The following UNC5C variants were observed in gnomAD, a reference collection of about 807,000 sequenced individuals.
UNC5C encodes netrin receptor UNC5C.
In UNC5C, 47 loss-of-function variants were observed where a neutral mutation model predicts 99.8. The ratio of observed to expected loss-of-function variants is 0.47; its 90% CI spans 0.37 to 0.60. UNC5C has a LOEUF of 0.60. Ranked by LOEUF, UNC5C falls within the 20% of genes least tolerant of loss-of-function variation. The pLI is 0.00. For missense variants in UNC5C, 1,062 were observed against 1,165.9 expected (o/e 0.91, Z 1.30); for synonymous variants, 487 against 452.2 (o/e 1.08, Z -0.98).
intron 7 of UNC5C, among the ~76,000 whole-genome samples, chr4:95,237,851 G>A (rs1162526097): frequency 6.6e-6 from 1 of 152,094 alleles, no homozygotes. Context: ...AGACCATCCT[G>A]GCCAACATGG....
chr4:95,340,198 A>T (rs2626050), intron 1 of UNC5C, among the ~76,000 whole-genome samples: 118,186 of 152,006 alleles, frequency 0.78, 46,593 homozygotes, highest in East Asian at 1. Flanking sequence ...TTTATTGCTA[A>T]ATATCAAGCC....
intron 10 of UNC5C, among the ~76,000 whole-genome samples, chr4:95,210,486 AAGAAAATAGC>A (rs1347769610): frequency 1.3e-5 from 2 of 152,218 alleles, no homozygotes; most frequent in African/African-American, 4.8e-5. Context: ...AATCACATAG[AAGAAAATAGC>A]AGAAAATAAA....
At chr4:95,390,009 A>C (rs1450165282) in intron 1 of UNC5C, among the ~76,000 whole-genome samples, 1 of 152,120 alleles carries the variant, frequency 6.6e-6, no homozygotes, top group Admixed American at 6.6e-5. Flanking sequence ...AAGTTCATTA[A>C]TTGTCTTGAA....
intron 14 of UNC5C, among the ~76,000 whole-genome samples, chr4:95,181,647 C>T (rs997918862): frequency 5.3e-5 from 8 of 151,972 alleles, no homozygotes; most frequent in Non-Finnish European, 1.2e-4. Flanking sequence ...GTTGCCATGG[C>T]ACCCTGACAC....
intron 10 of UNC5C, among the ~76,000 whole-genome samples, chr4:95,208,531 T>G (rs1049068265): frequency 6.6e-5 from 10 of 152,230 alleles, no homozygotes; most frequent in Non-Finnish European, 7.3e-5. Flanking sequence ...CTCCAAACAT[T>G]GGCTATCTCT....
chr4:95,495,852 A>C (rs1721616024), intron 1 of UNC5C, among the ~76,000 whole-genome samples: 1 of 151,762 alleles, frequency 6.6e-6, no homozygotes, highest in South Asian at 2.1e-4. Context: ...GGAGAAGAAA[A>C]TTCAAAGATT....
At chr4:95,480,147 C>G (rs1721090488) in intron 1 of UNC5C, among the ~76,000 whole-genome samples, 2 of 151,442 alleles carry the variant, frequency 1.3e-5, no homozygotes, top group African/African-American at 2.4e-5. Flanking sequence ...CTATAACTGT[C>G]TGAGCCAATT....
intron 7 of UNC5C, among the ~76,000 whole-genome samples, chr4:95,231,600 C>T (rs1216590488): frequency 6.6e-6 from 1 of 152,138 alleles, no homozygotes; most frequent in African/African-American, 2.4e-5. Flanking sequence ...TTACACTAAG[C>T]CAAAACATGG....
At position 95,327,709 on chromosome 4, in the gene UNC5C, G is replaced by A. The variant is rs971020652; in HGVS notation, c.346+7701C>T. ...GGGGCAGTATAACTTCTGACTGCAT[G>A]ACTTTGGAGAGGAGCCTGGCCGCAG... is the stretch of plus-strand genomic sequence containing the variant. On this transcript the variant is annotated intron_variant, in intron 2 of 15. Transcript: ENST00000453304. 5.3e-5 allele frequency among the ~76,000 whole-genome samples: 8 copies of A among 152,226 alleles called. 1 individual carries two copies. Among genetic ancestry groups the A allele is most frequent in the Admixed American group, 5.2e-4 (8 of 15,278 alleles).
At chr4:95,422,540 T>G (rs2149456754) in intron 1 of UNC5C, among the ~76,000 whole-genome samples, 2 of 146,838 alleles carry the variant, frequency 1.4e-5, no homozygotes, top group South Asian at 4.5e-4. Flanking sequence ...TGATTAGATT[T>G]GCAACCGGGG....
At position 95,480,586 on chromosome 4, in the gene UNC5C, C is replaced by T. The variant is rs368221819; in HGVS notation, c.124+68148G>A. ...ATATTAAGATGATCACAATGGAATT[C>T]GCTGCAACAGAAGCAGCTCTCACAA... On this transcript the variant is annotated intron_variant, in intron 1 of 15. Transcript: ENST00000453304. Among the ~76,000 whole-genome samples, 48 of 152,002 alleles carry T rather than the reference C, an allele frequency of 3.2e-4. 1 individual carries two copies. The South Asian group carries it at 6.0e-3, about 19-fold the overall frequency.
intron 1 of UNC5C, among the ~76,000 whole-genome samples, chr4:95,357,499 C>G (rs1210248359): frequency 6.6e-6 from 1 of 151,620 alleles, no homozygotes; most frequent in Non-Finnish European, 1.5e-5. Context: ...AACTAAAATA[C>G]TGTCCAGGCC....
At chr4:95,425,457 G>A (rs1287899555) in intron 1 of UNC5C, among the ~76,000 whole-genome samples, 2 of 152,212 alleles carry the variant, frequency 1.3e-5, no homozygotes, top group African/African-American at 2.4e-5. Flanking sequence ...GAGTAACTGG[G>A]ACTACAGGCG....
intron 1 of UNC5C, among the ~76,000 whole-genome samples, chr4:95,440,689 AAGC>A (rs1457599562): frequency 6.6e-6 from 1 of 152,146 alleles, no homozygotes; most frequent in Non-Finnish European, 1.5e-5. Flanking sequence ...CCGAAAAAAA[AAGC>A]AGTAAGTCCC....
intron 3 of UNC5C, among the ~76,000 whole-genome samples, chr4:95,296,661 T>C (rs1741679666): frequency 6.6e-6 from 1 of 152,198 alleles, no homozygotes; most frequent in South Asian, 2.1e-4. Flanking sequence ...GTGTGGAATG[T>C]AGACTGGCAA....
At chr4:95,251,228 C>G (rs996576713) in intron 4 of UNC5C, among the ~76,000 whole-genome samples, 1 of 152,190 alleles carries the variant, frequency 6.6e-6, no homozygotes, top group African/African-American at 2.4e-5. Flanking sequence ...TTAAATATCC[C>G]TGAAAATACC....
intron 13 of UNC5C, among the ~76,000 whole-genome samples, chr4:95,183,383 T>TA (rs57162384): frequency 1.2e-4 from 18 of 149,578 alleles, no homozygotes; most frequent in South Asian, 4.2e-4. Context: ...TGTAAATGAT[T>TA]AAAAAAAAAA....
chr4:95,450,099 A>G (rs539424856), intron 1 of UNC5C, among the ~76,000 whole-genome samples: 24 of 152,342 alleles, frequency 1.6e-4, no homozygotes, highest in African/African-American at 5.8e-4. Flanking sequence ...GTTTCTATCT[A>G]TACATCATTT....
chr4:95,314,317 CA>C (rs1742388722), intron 2 of UNC5C, among the ~76,000 whole-genome samples: 1 of 152,134 alleles, frequency 6.6e-6, no homozygotes, highest in Non-Finnish European at 1.5e-5. Context: ...GAAATGAGTT[CA>C]GGGGAGTTGC....
Sources: gnomAD v4.1 joint callset for allele counts (sites outside exome capture counted in the v4.1 genomes callset) on GRCh38, gnomAD v4.1.1 for gene constraint, MANE v1.5 for transcripts, NCBI Gene and HGNC (gene_info 2026-07-23, HGNC 2026-07-21) for gene names.